DLG2: variants seen among roughly 807,000 people sequenced by gnomAD.
The protein encoded by DLG2 is disks large homolog 2.
A neutral mutation model predicts 132.5 loss-of-function variants in DLG2; 45 were observed. That is an observed-to-expected ratio of 0.34 (90% CI 0.27 to 0.44). DLG2 has a LOEUF of 0.44. Ranked by LOEUF, DLG2 falls within the 20% of genes least tolerant of loss-of-function variation. DLG2 has a pLI of 1.00. For synonymous variants in DLG2, 424 were observed against 419.6 expected, an observed-to-expected ratio of 1.01 and a Z score of -0.13; for missense variants, 1,045 against 1,196.9, an observed-to-expected ratio of 0.87 and a Z score of 1.87.
At chr11:85,139,798 T>C (rs1020984677) in intron 5 of DLG2, among the ~76,000 whole-genome samples, 6 of 152,052 alleles carry the variant, frequency 3.9e-5, no homozygotes, top group African/African-American at 1.2e-4. Flanking sequence ...CCCAACTCAG[T>C]AACCACTGTT....
intron 6 of DLG2, among the ~76,000 whole-genome samples, chr11:84,854,064 G>A (rs566882120): frequency 1.3e-5 from 2 of 151,950 alleles, no homozygotes; most frequent in Non-Finnish European, 2.9e-5. Context: ...TAATACTGGG[G>A]ATTAACTAAG....
intron 6 of DLG2, among the ~76,000 whole-genome samples, chr11:85,092,139 A>G (rs1298406110): frequency 1.3e-5 from 2 of 152,224 alleles, no homozygotes; most frequent in South Asian, 4.1e-4. Flanking sequence ...ATGAAAACAC[A>G]TTAATCTCCT....
chr11:84,710,107 T>C (rs1049345217), intron 6 of DLG2, among the ~76,000 whole-genome samples: 14 of 151,904 alleles, frequency 9.2e-5, no homozygotes, highest in Non-Finnish European at 1.8e-4. Flanking sequence ...GAATAGCGTA[T>C]AGATTAATTT....
At chr11:85,027,386 G>C (rs1467179415) in intron 6 of DLG2, among the ~76,000 whole-genome samples, 1 of 152,024 alleles carries the variant, frequency 6.6e-6, no homozygotes, top group African/African-American at 2.4e-5. Flanking sequence ...AATTGTCACG[G>C]GACCCTTGGG....
intron 6 of DLG2, chr11:85,021,641 C>A (rs192473620): frequency 8.2e-7 from 1 of 1,214,194 alleles, no homozygotes; most frequent in African/African-American, 1.5e-5. Flanking sequence ...TTGTTGGTAA[C>A]GTTGCTAGCC....
At chr11:83,813,561 C>T (rs1490016911) in intron 17 of DLG2, among the ~76,000 whole-genome samples, 5 of 152,094 alleles carry the variant, frequency 3.3e-5, no homozygotes, top group Non-Finnish European at 7.4e-5. Context: ...TCCTCAGTAA[C>T]ATCAGAAAAT....
At chr11:84,038,510 G>C (rs939455176) in intron 11 of DLG2, among the ~76,000 whole-genome samples, 1 of 151,872 alleles carries the variant, frequency 6.6e-6, no homozygotes, top group African/African-American at 2.4e-5. Context: ...AAAAGTATTT[G>C]CTTATTAAAA....
At chr11:83,490,424 G>A (rs577680152) in intron 21 of DLG2, among the ~76,000 whole-genome samples, 79 of 152,044 alleles carry the variant, frequency 5.2e-4, no homozygotes, top group Non-Finnish European at 5.7e-4. Flanking sequence ...TTTAGAGTAT[G>A]ACTAATAATT....
intron 19 of DLG2, among the ~76,000 whole-genome samples, chr11:83,593,701 C>G (rs2097234171): frequency 6.7e-6 from 1 of 148,150 alleles, no homozygotes; most frequent in Non-Finnish European, 1.5e-5. Context: ...ATAGAGAGAT[C>G]ATTTCTCTCT....
At chr11:84,769,427 G>C (rs2068915614) in intron 6 of DLG2, among the ~76,000 whole-genome samples, 2 of 152,008 alleles carry the variant, frequency 1.3e-5, no homozygotes, top group Non-Finnish European at 2.9e-5. Flanking sequence ...AACCCAGTCA[G>C]AATAAAATAT....
intron 3 of DLG2, among the ~76,000 whole-genome samples, chr11:85,387,769 T>A (rs971638313): frequency 6.6e-6 from 1 of 152,166 alleles, no homozygotes; most frequent in South Asian, 2.1e-4. Flanking sequence ...ATGATAGGTA[T>A]AAAATCTTTA....
intron 7 of DLG2, among the ~76,000 whole-genome samples, chr11:84,529,249 T>G (rs1342215582): frequency 2.0e-5 from 3 of 152,136 alleles, no homozygotes; most frequent in Non-Finnish European, 4.4e-5. Flanking sequence ...AAGGATGCCC[T>G]CTATCACCAT....
intron 3 of DLG2, among the ~76,000 whole-genome samples, chr11:85,568,389 TC>T (rs1231283207): frequency 1.3e-5 from 2 of 152,176 alleles, no homozygotes; most frequent in Non-Finnish European, 2.9e-5. Flanking sequence ...TCTACAATTT[TC>T]TTGTACTGTA....
chr11:85,307,742 G>A (rs1448422984), intron 3 of DLG2, among the ~76,000 whole-genome samples: 1 of 152,164 alleles, frequency 6.6e-6, no homozygotes, highest in Non-Finnish European at 1.5e-5. Flanking sequence ...CCTTATCCAT[G>A]TGCTATCTAG....
At chr11:84,440,002 C>T (rs1332867329) in intron 7 of DLG2, among the ~76,000 whole-genome samples, 3 of 152,160 alleles carry the variant, frequency 2.0e-5, no homozygotes, top group Non-Finnish European at 2.9e-5. Context: ...TTTGCATTCT[C>T]TTCATGAGTT....
At chr11:85,519,875 C>G (rs2074141523) in intron 3 of DLG2, among the ~76,000 whole-genome samples, 1 of 152,120 alleles carries the variant, frequency 6.6e-6, no homozygotes, top group Admixed American at 6.6e-5. Context: ...AAGCTCTCTT[C>G]TCTTGTCTGC....
At chr11:83,798,309 TA>T (rs995075565) in intron 17 of DLG2, among the ~76,000 whole-genome samples, 2 of 152,234 alleles carry the variant, frequency 1.3e-5, no homozygotes, top group Non-Finnish European at 2.9e-5. Flanking sequence ...CTTCTTTTGT[TA>T]GGCTGTTATC....
At chr11:83,566,606 G>C (rs1160410649) in intron 19 of DLG2, among the ~76,000 whole-genome samples, 1 of 151,560 alleles carries the variant, frequency 6.6e-6, no homozygotes, top group Non-Finnish European at 1.5e-5. Flanking sequence ...ATTTAACATA[G>C]TGTCTAGCAC....
intron 6 of DLG2, among the ~76,000 whole-genome samples, chr11:84,872,747 A>C (rs371225342): frequency 6.6e-6 from 1 of 152,224 alleles, no homozygotes; most frequent in East Asian, 1.9e-4. Context: ...TACTCTCTTT[A>C]CAGTTTCACA....
Sources: gnomAD v4.1 joint callset for allele counts (sites outside exome capture counted in the v4.1 genomes callset) on GRCh38, gnomAD v4.1.1 for gene constraint, MANE v1.5 for transcripts, NCBI Gene and HGNC (gene_info 2026-07-23, HGNC 2026-07-21) for gene names.